Variants in LINGO2 observed in about 807,000 individuals in gnomAD.
LINGO2 encodes leucine rich repeat and Ig domain containing 2, also known as leucine-rich repeat and immunoglobulin-like domain-containing nogo receptor-interacting protein 2.
LINGO2 carries 14 observed loss-of-function variants against 30.6 expected under a neutral mutation model. That is an observed-to-expected ratio of 0.46 (90% CI 0.30 to 0.72). The LOEUF is 0.72. Ranked by LOEUF, LINGO2 falls within the 30% of genes least tolerant of loss-of-function variation. The pLI is 0.07. For synonymous variants in LINGO2, 317 were observed against 288.5 expected (o/e 1.10, Z -1.00); for missense variants, 729 against 751.7 (o/e 0.97, Z 0.35).
At chr9:28,677,656 A>G in the LINGO2 span, among the ~76,000 whole-genome samples, 68 of 152,180 alleles carry the variant, frequency 4.5e-4, no homozygotes, top group Non-Finnish European at 8.8e-4. Flanking sequence ...AGCCCTGGCC[A>G]CCTGTGTTCC....
the LINGO2 span, among the ~76,000 whole-genome samples, chr9:28,772,201 C>A: frequency 6.6e-6 from 1 of 152,132 alleles, no homozygotes; most frequent in Non-Finnish European, 1.5e-5. Context: ...CTGTGTCTTG[C>A]AAGATTGATT....
intron 4 of LINGO2, among the ~76,000 whole-genome samples, chr9:28,293,050 C>T (rs981787098): frequency 2.6e-5 from 4 of 151,870 alleles, no homozygotes; most frequent in African/African-American, 9.7e-5. Flanking sequence ...GGGATTACAG[C>T]CTTGAGCCAC....
the LINGO2 span, among the ~76,000 whole-genome samples, chr9:29,095,009 A>T: frequency 5.1e-5 from 7 of 138,452 alleles, 2 homozygotes; most frequent in African/African-American, 1.9e-4. Context: ...TCAAGAGTCT[A>T]TGCTTACAAA....
chr9:28,930,408 T>C, the LINGO2 span, among the ~76,000 whole-genome samples: 6,266 of 152,264 alleles, frequency 0.041, 196 homozygotes, highest in Admixed American at 0.083. This position sits in a 1 kb window ranked among gnomAD's most constrained non-coding sequence, Gnocchi z 4.2. Flanking sequence ...AAAATATTTA[T>C]TGAATATATT....
chr9:29,163,693 C>G, the LINGO2 span, among the ~76,000 whole-genome samples: 3 of 152,268 alleles, frequency 2.0e-5, no homozygotes, highest in Middle Eastern at 3.4e-3. Flanking sequence ...ATTGAGAAGA[C>G]AGCCATGTAA....
intron 4 of LINGO2, among the ~76,000 whole-genome samples, chr9:28,100,582 TAGA>T (rs1475834812): frequency 6.6e-6 from 1 of 152,206 alleles, no homozygotes; most frequent in Non-Finnish European, 1.5e-5. Context: ...GTTCAGTATG[TAGA>T]AGAAGACAAT....
downstream of LINGO2, chr9:27,943,485 TA>T (rs1438324213): frequency 2.0e-5 from 3 of 152,312 alleles, no homozygotes; most frequent in East Asian, 5.8e-4. Context: ...GCTGGCATTA[TA>T]TCAACCCACC....
chr9:28,252,369 G>A (rs1822232761), intron 4 of LINGO2, among the ~76,000 whole-genome samples: 1 of 151,968 alleles, frequency 6.6e-6, no homozygotes, highest in Non-Finnish European at 1.5e-5. Flanking sequence ...GGGACTACAG[G>A]CACGCATCAC....
intron 2 of LINGO2, among the ~76,000 whole-genome samples, chr9:28,442,508 G>C (rs1824240047): frequency 6.6e-6 from 1 of 152,026 alleles, no homozygotes; most frequent in Non-Finnish European, 1.5e-5. Flanking sequence ...CTAATGTGCT[G>C]TATTTGTTTT....
intron 1 of LINGO2, among the ~76,000 whole-genome samples, chr9:28,520,388 C>T (rs539156952): frequency 6.6e-5 from 10 of 152,154 alleles, no homozygotes; most frequent in East Asian, 5.8e-4. Flanking sequence ...TGCATAGTTT[C>T]CTTCTTTATG....
intron 3 of LINGO2, among the ~76,000 whole-genome samples, chr9:28,341,862 T>C (rs1436236980): frequency 6.6e-6 from 1 of 152,088 alleles, no homozygotes; most frequent in Admixed American, 6.6e-5. Flanking sequence ...AAACACCACA[T>C]ACCCACAATG....
At chr9:28,618,830 A>G (rs1165876842) in intron 1 of LINGO2, among the ~76,000 whole-genome samples, 1 of 152,110 alleles carries the variant, frequency 6.6e-6, no homozygotes, top group East Asian at 1.9e-4. Flanking sequence ...TGTATCTGGC[A>G]CATAAAATGT....
At chr9:28,469,389 T>C (rs1825433375) in intron 2 of LINGO2, among the ~76,000 whole-genome samples, 3 of 151,940 alleles carry the variant, frequency 2.0e-5, no homozygotes, top group Non-Finnish European at 4.4e-5. Context: ...AGAGATAAAG[T>C]GATACAGAGA....
chr9:28,010,228 C>T (rs1455092885), intron 5 of LINGO2, among the ~76,000 whole-genome samples: 1 of 152,116 alleles, frequency 6.6e-6, no homozygotes, highest in African/African-American at 2.4e-5. Flanking sequence ...AATTGTATAC[C>T]TAACATGTGT....
chr9:29,022,219 T>G, the LINGO2 span, among the ~76,000 whole-genome samples: 1 of 152,216 alleles, frequency 6.6e-6, no homozygotes, highest in African/African-American at 2.4e-5. Flanking sequence ...GAAAATATTT[T>G]TAATTTTATA....
the LINGO2 span, among the ~76,000 whole-genome samples, chr9:28,899,994 C>T: frequency 1.3e-5 from 2 of 152,196 alleles, no homozygotes; most frequent in Non-Finnish European, 2.9e-5. Flanking sequence ...GGTTCCAGGT[C>T]AGCCCCGCAG....
chr9:29,158,204 A>AG, the LINGO2 span, among the ~76,000 whole-genome samples: 3 of 151,562 alleles, frequency 2.0e-5, no homozygotes, highest in East Asian at 3.9e-4. Context: ...CAAAAAAAAA[A>AG]CAAATGGAGG....
chr9:28,366,342 C>A (rs1282014301), intron 3 of LINGO2, among the ~76,000 whole-genome samples: 2 of 152,156 alleles, frequency 1.3e-5, no homozygotes, highest in African/African-American at 4.8e-5. Context: ...AAAGACTCTA[C>A]CATGGAAAAC....
chr9:28,582,348 C>A (rs986097341), intron 1 of LINGO2, among the ~76,000 whole-genome samples: 1 of 152,004 alleles, frequency 6.6e-6, no homozygotes, highest in African/African-American at 2.4e-5. Context: ...CTAATCAGTT[C>A]GCAAGCTGTA....
Sources: allele counts gnomAD v4.1 joint callset (sites outside exome capture counted in the v4.1 genomes callset), GRCh38; gene constraint gnomAD v4.1.1; non-coding constraint Gnocchi (gnomAD v3.1); transcripts MANE v1.5; gene names NCBI Gene and HGNC (gene_info 2026-07-23, HGNC 2026-07-21).